The following PPP1R1C variants were observed in gnomAD, a reference collection of about 807,000 sequenced individuals.
The protein encoded by PPP1R1C is protein phosphatase 1 regulatory inhibitor subunit 1C.
A neutral mutation model predicts 17.4 loss-of-function variants in PPP1R1C; 15 were observed. The ratio of observed to expected loss-of-function variants is 0.86; its 90% CI spans 0.58 to 1.33. The LOEUF is 1.33. PPP1R1C is among the 40% of genes most tolerant of loss of function. The probability of loss-of-function intolerance (pLI) is 0.00; values close to 1 mark genes in which losing one functional copy is unlikely to be tolerated. For synonymous variants in PPP1R1C, 35 were observed against 43.1 expected, an observed-to-expected ratio of 0.81 and a Z score of 0.73; for missense variants, 143 against 130.0, an observed-to-expected ratio of 1.10 and a Z score of -0.48.
At chr2:182,031,281 C>G (rs192422543) in intron 2 of PPP1R1C, among the ~76,000 whole-genome samples, 130 of 152,328 alleles carry the variant, frequency 8.5e-4, no homozygotes, top group African/African-American at 3.1e-3. Context: ...AATTATCTGG[C>G]ATAAGATTCA....
At position 181,976,139 on chromosome 2, in the gene PPP1R1C, C is replaced by A. The variant is rs1685088367; in HGVS notation, n.157+875C>A. The stretch of plus-strand genomic sequence containing the variant: ...CTATAAACTCACCATCCAGAGACAA[C>A]CCCATTAACATCTCAGAATATATTC... On this transcript the variant is annotated intron_variant and non_coding_transcript_variant, in intron 2 of 5. Transcript: ENST00000464264. This position sits in a 1 kb window ranked among gnomAD's most constrained non-coding sequence, Gnocchi z 4.8. Among the ~76,000 whole-genome samples, 1 of 151,870 alleles carries A rather than the reference C, an allele frequency of 6.6e-6. No homozygotes were observed.
At chr2:182,056,940 A>G (rs1412619833) in intron 2 of PPP1R1C, among the ~76,000 whole-genome samples, 1 of 152,188 alleles carries the variant, frequency 6.6e-6, no homozygotes, top group Admixed American at 6.6e-5. Context: ...ATTTGAACCT[A>G]GTACATTGAT....
chr2:182,077,135 G>A (rs1397625883), intron 4 of PPP1R1C, among the ~76,000 whole-genome samples: 5 of 152,072 alleles, frequency 3.3e-5, no homozygotes, highest in African/African-American at 9.7e-5. Context: ...AAATGAAAAC[G>A]AAAACTCTCT....
At chr2:182,050,493 C>T (rs931285291) in intron 2 of PPP1R1C, among the ~76,000 whole-genome samples, 20 of 152,192 alleles carry the variant, frequency 1.3e-4, no homozygotes, top group Admixed American at 2.0e-4. Context: ...AGCCCACTCT[C>T]CACCCTCCAA....
intron 1 of PPP1R1C, among the ~76,000 whole-genome samples, chr2:181,958,030 G>T (rs574142921): frequency 6.6e-6 from 1 of 152,266 alleles, no homozygotes; most frequent in Admixed American, 6.5e-5. Flanking sequence ...AGCTACACCC[G>T]TGTGATAACT....
intron 1 of PPP1R1C, 75 bp from the exon 2 acceptor site, chr2:181,987,764 G>C (rs867404562): frequency 2.7e-6 from 4 of 1,482,992 alleles, no homozygotes; most frequent in African/African-American, 2.8e-5. Flanking sequence ...GGGTGAGACA[G>C]CTTTGCAAGC....
Position 182,117,391 on chromosome 2 carries a change from T to G in PPP1R1C, c.*96T>G, listed in dbSNP as rs748557109. ...TTCCACTGCTTGACTTCCAGAAGCA[T>G]CCTCCATCTCTGCACCCCACACTCA... On this transcript the variant is annotated 3_prime_UTR_variant, in exon 5 of 5. Transcript: ENST00000682840. The G allele has an allele frequency of 8.5e-5, 72 of 848,306 alleles. No individual in the cohort carries two copies. Among genetic ancestry groups the G allele is most frequent in the Non-Finnish European group, 1.3e-4 (69 of 531,618 alleles). 52.5% of individuals were successfully genotyped at this position (848,306 alleles called of 1,614,324 possible).
At chr2:182,067,899 A>C (rs755094104) in intron 4 of PPP1R1C, among the ~76,000 whole-genome samples, 6 of 152,146 alleles carry the variant, frequency 3.9e-5, no homozygotes, top group Non-Finnish European at 8.8e-5. Context: ...GTTAATTGCC[A>C]ATATAATTGA....
chr2:181,956,812 A>T (rs1215393946), intron 1 of PPP1R1C, among the ~76,000 whole-genome samples: 1 of 152,210 alleles, frequency 6.6e-6, no homozygotes, highest in Admixed American at 6.5e-5. Context: ...TGTGTTTAAA[A>T]AATGGCAATT....
intron 2 of PPP1R1C, among the ~76,000 whole-genome samples, chr2:182,024,611 T>C (rs1324773629): frequency 6.6e-6 from 1 of 151,948 alleles, no homozygotes; most frequent in South Asian, 2.1e-4. Flanking sequence ...ACTAGCAATA[T>C]CTTGGGAGGC....
chr2:181,956,237 CT>C (rs753324210), intron 1 of PPP1R1C, among the ~76,000 whole-genome samples: 14 of 152,146 alleles, frequency 9.2e-5, no homozygotes, highest in Non-Finnish European at 1.6e-4. Flanking sequence ...CTCATTCTTT[CT>C]TATGGCTGCA....
chr2:181,974,640 C>A (rs2125134835), intron 1 of PPP1R1C, among the ~76,000 whole-genome samples: 1 of 152,224 alleles, frequency 6.6e-6, no homozygotes, highest in Admixed American at 6.5e-5. Context: ...TCAGATTTTC[C>A]AATTGTGCTA....
chr2:181,961,995 C>T lies in PPP1R1C; in HGVS notation n.111+7361C>T, dbSNP rs942636362. 13 of 731,016 alleles carry T rather than the reference C, an allele frequency of 1.8e-5. No homozygotes were observed. The highest frequency in any genetic ancestry group is 6.9e-5 in the African/African-American group (4 of 57,870). 45.3% of individuals were successfully genotyped at this position (731,016 alleles called of 1,614,324 possible). ...GTCTCATACTTGACTCTAAAGTCAT[C>T]GGCTGCAAGACAGGCATTGTCAATC... On this transcript the variant is annotated intron_variant and non_coding_transcript_variant, in intron 1 of 5. Coordinates refer to the PPP1R1C transcript ENST00000464264. The surrounding 1 kb of genome is among the most constrained non-coding windows in gnomAD (Gnocchi z 5.8).
At chr2:182,001,479 T>A (rs987956470) in intron 2 of PPP1R1C, among the ~76,000 whole-genome samples, 5 of 152,160 alleles carry the variant, frequency 3.3e-5, no homozygotes, top group African/African-American at 9.6e-5. Flanking sequence ...CTTCTAAGAA[T>A]ATAGGAGCTC....
At position 181,961,549 on chromosome 2, in the gene PPP1R1C, T is replaced by C; in HGVS notation, n.111+6915T>C. 1 of 811,054 alleles carries C rather than the reference T, an allele frequency of 1.2e-6. No individual in the cohort carries two copies. Among genetic ancestry groups the C allele is most frequent in the Non-Finnish European group, 2.1e-6 (1 of 479,994 alleles). The allele number at this position is 811,054 out of a possible 1,614,324, so 50.2% of individuals were successfully genotyped here. ...GCTGGCCTTCAGATTTCTCATGGAG[T>C]CCAGGTCCATCTTTAAGGACTGGAC... On this transcript the variant is annotated intron_variant and non_coding_transcript_variant, in intron 1 of 5. Coordinates refer to the PPP1R1C transcript ENST00000464264. The surrounding 1 kb of genome is among the most constrained non-coding windows in gnomAD (Gnocchi z 5.8).
chr2:182,116,619 C>G (rs1447192130), intron 4 of PPP1R1C, among the ~76,000 whole-genome samples: 1 of 152,004 alleles, frequency 6.6e-6, no homozygotes, highest in Non-Finnish European at 1.5e-5. Flanking sequence ...GGTAGAGAGC[C>G]CAGATTATAA....
chr2:181,961,202 G>A lies in PPP1R1C; in HGVS notation n.111+6568G>A, dbSNP rs897177252. The A allele has an allele frequency of 3.2e-5, 29 of 893,424 alleles. 2 individuals are homozygous for A. In the Admixed American group the frequency reaches 4.3e-4, roughly 13 times the overall value. The allele number at this position is 893,424 out of a possible 1,614,324, so 55.3% of individuals were successfully genotyped here. A position where few individuals can be genotyped will look rare whatever the true frequency, so the allele number is the denominator to read the frequency against. On this transcript the variant is annotated intron_variant and non_coding_transcript_variant, in intron 1 of 5. Coordinates refer to the PPP1R1C transcript ENST00000464264. This position sits in a 1 kb window ranked among gnomAD's most constrained non-coding sequence, Gnocchi z 5.8. The stretch of plus-strand genomic sequence containing the variant: ...CCCAAAGGGTACCCTGCTTCTGCTG[G>A]CTTGATGTCTTAGAACTTTGGTGTC...
Position 182,082,608 on chromosome 2 carries a change from C to T in PPP1R1C, c.241+18817C>T, listed in dbSNP as rs185878619. ...CTTCGCTGGCTCTGCATCTGAGTCGCGGAAGAACATAGACTCAATAAGTAC... is the reference window on the plus strand; with the variant it reads ...CTTCGCTGGCTCTGCATCTGAGTCGTGGAAGAACATAGACTCAATAAGTAC... On this transcript the variant is annotated intron_variant, in intron 4 of 4. Transcript: ENST00000682840. Among the ~76,000 whole-genome samples the T allele has an allele frequency of 3.9e-3, 592 of 152,086 alleles. 2 individuals are homozygous for T. Among genetic ancestry groups the T allele is most frequent in the Middle Eastern group, 0.01 (3 of 294 alleles).
chr2:182,084,797 T>A (rs1688580123), intron 4 of PPP1R1C, among the ~76,000 whole-genome samples: 1 of 152,118 alleles, frequency 6.6e-6, no homozygotes, highest in Non-Finnish European at 1.5e-5. Flanking sequence ...GAAAAAATGA[T>A]GTTGATGTTT....
Sources: gnomAD v4.1 joint callset for allele counts (sites outside exome capture counted in the v4.1 genomes callset) on GRCh38, gnomAD v4.1.1 for gene constraint, Gnocchi (gnomAD v3.1) non-coding constraint, MANE v1.5 for transcripts, NCBI Gene and HGNC (gene_info 2026-07-23, HGNC 2026-07-21) for gene names.